ANAPC5: variants seen among roughly 807,000 people sequenced by gnomAD.
ANAPC5 encodes anaphase promoting complex subunit 5.
ANAPC5 carries 60 observed loss-of-function variants against 91.3 expected under a neutral mutation model. The ratio of observed to expected loss-of-function variants is 0.66; its 90% confidence interval spans 0.53 to 0.81. The LOEUF is 0.81. Among genes scored for constraint, ANAPC5 ranks in the 40% least tolerant of loss-of-function variants. The pLI is 0.00. For synonymous variants in ANAPC5, 340 were observed against 364.1 expected (o/e 0.93, Z 0.75); for missense variants, 690 against 931.5 (o/e 0.74, Z 3.37).
At chr12:121,349,371 A>G (rs1442984646) in intron 1 of ANAPC5, among the ~76,000 whole-genome samples, 1 of 152,008 alleles carries the variant, frequency 6.6e-6, no homozygotes, top group East Asian at 1.9e-4. Flanking sequence ...GACTAGCCTG[A>G]GCAACATAGG....
At chr12:121,309,217 G>A (rs1177128941) in intron 16 of ANAPC5, among the ~76,000 whole-genome samples, 8 of 150,050 alleles carry the variant, frequency 5.3e-5, no homozygotes, top group African/African-American at 2.0e-4. Context: ...TTGGGAGGCT[G>A]AGGTGGGCAG....
At chr12:121,311,059 T>G (rs889441340) in intron 15 of ANAPC5, among the ~76,000 whole-genome samples, 6 of 152,104 alleles carry the variant, frequency 3.9e-5, no homozygotes, top group African/African-American at 1.4e-4. Flanking sequence ...CACTGTATGC[T>G]GTCTACAAGA....
intron 15 of ANAPC5, among the ~76,000 whole-genome samples, chr12:121,315,326 G>C (rs1902311663): frequency 6.6e-6 from 1 of 152,156 alleles, no homozygotes; most frequent in South Asian, 2.1e-4. Flanking sequence ...TGTGTTCATG[G>C]GTTGGAAGAG....
At chr12:121,315,419 G>T (rs1285230646) in intron 15 of ANAPC5, among the ~76,000 whole-genome samples, 3 of 152,152 alleles carry the variant, frequency 2.0e-5, no homozygotes, top group South Asian at 4.1e-4. Context: ...TACTGTTTTT[G>T]CAGAAATGAA....
intron 15 of ANAPC5, among the ~76,000 whole-genome samples, chr12:121,315,869 TC>T (rs1325164249): frequency 2.0e-5 from 3 of 151,906 alleles, no homozygotes; most frequent in Non-Finnish European, 2.9e-5. Context: ...TAGAAGAAAA[TC>T]TTCATGACAT....
chr12:121,309,615 A>G (rs903129966), intron 16 of ANAPC5, 86 bp downstream of exon 16: 20 of 1,471,964 alleles, frequency 1.4e-5, no homozygotes, highest in Non-Finnish European at 1.6e-5. Context: ...GCTGTCCCAA[A>G]TTTAATGTCT....
chr12:121,352,824 T>A (rs1226282049), upstream of ANAPC5, among the ~76,000 whole-genome samples: 3 of 148,762 alleles, frequency 2.0e-5, no homozygotes, highest in African/African-American at 7.3e-5. Flanking sequence ...CAAAGAGCAC[T>A]GCACCCTCCC....
rs11541850 is a variant in ANAPC5, at chr12:121,352,375, G to C, written c.-35C>G. On this transcript the variant is annotated 5_prime_UTR_variant, in exon 1 of 17. Transcript: ENST00000261819. ...AGACTAAGTCTCGGGCCCGCGGCGC[G>C]CTGCCGCCAGTTGTCACCACAAGGC... is the stretch of plus-strand genomic sequence containing the variant. 7 of 1,551,918 alleles carry C rather than the reference G, an allele frequency of 4.5e-6. No individual in the cohort carries two copies. Among genetic ancestry groups the C allele is most frequent in the Non-Finnish European group, 5.3e-6 (6 of 1,139,148 alleles).
chr12:121,314,192 G>A (rs1431442888), intron 15 of ANAPC5, among the ~76,000 whole-genome samples: 2 of 152,170 alleles, frequency 1.3e-5, no homozygotes, highest in Non-Finnish European at 1.5e-5. Flanking sequence ...ATGAGGCCAG[G>A]AGTTAGAGAC....
chr12:121,352,370 G>T lies in ANAPC5; in HGVS notation c.-30C>A, dbSNP rs373110905. On this transcript the variant is annotated 5_prime_UTR_variant, in exon 1 of 17. Transcript: ENST00000261819. ...GCCCGAGACTAAGTCTCGGGCCCGC[G>T]GCGCGCTGCCGCCAGTTGTCACCAC... 21 of 1,565,372 alleles carry T rather than the reference G, an allele frequency of 1.3e-5. No homozygotes were observed. The African/African-American group carries it at 2.6e-4, about 19-fold the overall frequency.
chr12:121,316,562 T>G (rs889958417), intron 15 of ANAPC5, among the ~76,000 whole-genome samples: 1 of 151,278 alleles, frequency 6.6e-6, no homozygotes, highest in Non-Finnish European at 1.5e-5. Context: ...TGAAACCCCA[T>G]CTCTACTAAA....
At chr12:121,313,210 C>T (rs187502448) in intron 15 of ANAPC5, among the ~76,000 whole-genome samples, 454 of 152,174 alleles carry the variant, frequency 3.0e-3, no homozygotes, top group Non-Finnish European at 4.1e-3. Context: ...CCTGTAATCC[C>T]AGCTACTCGG....
At chr12:121,323,785 G>A (rs1031447926) in intron 11 of ANAPC5, among the ~76,000 whole-genome samples, 1 of 152,140 alleles carries the variant, frequency 6.6e-6, no homozygotes, top group Non-Finnish European at 1.5e-5. Context: ...TACAATAAAA[G>A]ATCATTATTC....
At chr12:121,354,048 G>A (rs1270830341), upstream of ANAPC5, among the ~76,000 whole-genome samples, 2 of 147,258 alleles carry the variant, frequency 1.4e-5, no homozygotes, top group Non-Finnish European at 3.0e-5. Flanking sequence ...GAGTACAGTC[G>A]CTCGATTTCG....
chr12:121,322,081 C>T (rs1233550678), intron 11 of ANAPC5, among the ~76,000 whole-genome samples: 1 of 149,982 alleles, frequency 6.7e-6, no homozygotes, highest in Admixed American at 6.6e-5. Flanking sequence ...GGTCAGGCTG[C>T]TCTCGATCTC....
At chr12:121,338,189 G>A (rs1903317155) in intron 5 of ANAPC5, among the ~76,000 whole-genome samples, 1 of 151,172 alleles carries the variant, frequency 6.6e-6, no homozygotes, top group African/African-American at 2.4e-5. Flanking sequence ...AGAACAACCT[G>A]GGCAATATAC....
At chr12:121,323,388 A>T (rs55955829) in intron 11 of ANAPC5, among the ~76,000 whole-genome samples, 1 of 151,748 alleles carries the variant, frequency 6.6e-6, no homozygotes, top group Non-Finnish European at 1.5e-5. Flanking sequence ...GTAGTGGTGC[A>T]ATCTCAGCTC....
At position 121,347,735 on chromosome 12, in the gene ANAPC5, C is replaced by T; in HGVS notation, c.287+67G>A. The T allele has an allele frequency of 4.8e-6, 6 of 1,243,114 alleles. No homozygotes were observed. The South Asian group carries it at 6.1e-5, about 13-fold the overall frequency. The allele number at this position is 1,243,114 out of a possible 1,614,324, so 77.0% of individuals were successfully genotyped here. On this transcript the variant is annotated intron_variant, in intron 2 of 16. Transcript: ENST00000261819. ...ATCTTTTTAAAAGAATTAACTACCACATACCCTTTTGTGATTTTCATCTAC... is the reference window on the plus strand; with the variant it reads ...ATCTTTTTAAAAGAATTAACTACCATATACCCTTTTGTGATTTTCATCTAC...
intron 1 of ANAPC5, chr12:121,350,959 C>T (rs1903865998): frequency 2.9e-6 from 1 of 346,312 alleles, no homozygotes. Flanking sequence ...TAATATTGAG[C>T]ATTTACTACA....
Sources: gnomAD v4.1 joint callset for allele counts (sites outside exome capture counted in the v4.1 genomes callset) on GRCh38, gnomAD v4.1.1 for gene constraint, MANE v1.5 for transcripts, NCBI Gene and HGNC (gene_info 2026-07-23, HGNC 2026-07-21) for gene names.